The following CADM2 variants were observed in gnomAD, a reference collection of about 807,000 sequenced individuals.
The protein encoded by CADM2 is cell adhesion molecule 2.
CADM2 carries 12 observed loss-of-function variants against 49.8 expected under a neutral mutation model. The observed-to-expected ratio is 0.24, with a 90% CI of 0.15 to 0.39. CADM2 has a LOEUF of 0.39. CADM2 is among the 10% of genes least tolerant of loss of function. The probability of loss-of-function intolerance (pLI) is 1.00; values close to 1 mark genes in which losing one functional copy is unlikely to be tolerated. For synonymous variants in CADM2, 214 were observed against 175.4 expected (o/e 1.22, Z -1.74); for missense variants, 378 against 492.3 (o/e 0.77, Z 2.20).
chr3:84,974,233 G>GTATATATA (rs35432857), intron 1 of CADM2, among the ~76,000 whole-genome samples: 14 of 149,118 alleles, frequency 9.4e-5, no homozygotes, highest in Middle Eastern at 3.6e-3. Flanking sequence ...GTAATTATAT[G>GTATATATA]TATATATATA....
chr3:85,990,290 A>G (rs950124210), intron 8 of CADM2, among the ~76,000 whole-genome samples: 8 of 152,140 alleles, frequency 5.3e-5, no homozygotes, highest in Non-Finnish European at 1.0e-4. Flanking sequence ...TTATTATAAG[A>G]TAAGCTTTGG....
intron 3 of CADM2, among the ~76,000 whole-genome samples, chr3:85,845,330 AT>A: frequency 1.3e-5 from 2 of 152,198 alleles, no homozygotes; most frequent in East Asian, 3.9e-4. Flanking sequence ...GCTGGGCCAG[AT>A]TCAGTCAGGA....
At chr3:85,596,898 G>T (rs1397111113) in intron 1 of CADM2, among the ~76,000 whole-genome samples, 1 of 151,968 alleles carries the variant, frequency 6.6e-6, no homozygotes. Flanking sequence ...TGCATTTTTA[G>T]TAGAGACAGG....
chr3:85,391,138 G>A (rs761156691), intron 1 of CADM2, among the ~76,000 whole-genome samples: 8 of 151,956 alleles, frequency 5.3e-5, no homozygotes, highest in Non-Finnish European at 7.4e-5. Context: ...TTTGCCAGTC[G>A]TTTACTTCTT....
chr3:85,723,135 T>C (rs548176312), intron 1 of CADM2, among the ~76,000 whole-genome samples: 2 of 152,302 alleles, frequency 1.3e-5, no homozygotes, highest in African/African-American at 4.8e-5. Context: ...TGTAAAATCA[T>C]GTGAAATCAA....
intron 6 of CADM2, among the ~76,000 whole-genome samples, chr3:85,928,351 G>T (rs1247594615): frequency 6.6e-6 from 1 of 151,890 alleles, no homozygotes; most frequent in Admixed American, 6.6e-5. Context: ...TAGAGACGGC[G>T]TTTCACCATG....
At chr3:85,953,011 G>A (rs553999132) in intron 7 of CADM2, among the ~76,000 whole-genome samples, 5 of 149,832 alleles carry the variant, frequency 3.3e-5, no homozygotes, top group African/African-American at 9.8e-5. Context: ...TACTTTAAAT[G>A]TACAGATGTT....
chr3:85,197,701 A>G (rs2107737879), intron 1 of CADM2, among the ~76,000 whole-genome samples: 1 of 152,120 alleles, frequency 6.6e-6, no homozygotes, highest in African/African-American at 2.4e-5. Context: ...AAATCGCACA[A>G]GTCAGCACAG....
chr3:85,739,747 A>G (rs184651455), intron 2 of CADM2, among the ~76,000 whole-genome samples: 13 of 152,282 alleles, frequency 8.5e-5, no homozygotes, highest in African/African-American at 3.1e-4. Flanking sequence ...AAATTTAACC[A>G]TCTAAATATC....
chr3:85,251,567 A>G (rs962238936), intron 1 of CADM2, among the ~76,000 whole-genome samples: 1 of 151,976 alleles, frequency 6.6e-6, no homozygotes, highest in Non-Finnish European at 1.5e-5. Flanking sequence ...ATTGAAAAAA[A>G]TTTTGAAGAG....
At chr3:85,996,290 C>CTT (rs397990432) in intron 8 of CADM2, among the ~76,000 whole-genome samples, 46 of 89,298 alleles carry the variant, frequency 5.2e-4, no homozygotes, top group Middle Eastern at 8.2e-3. Flanking sequence ...TTTTCATTTA[C>CTT]TTTTTTTTTT....
At chr3:85,164,931 T>C (rs2040429580) in intron 1 of CADM2, among the ~76,000 whole-genome samples, 1 of 151,854 alleles carries the variant, frequency 6.6e-6, no homozygotes, top group Admixed American at 6.6e-5. Context: ...TTAAAGGTAT[T>C]CTTAAATATA....
intron 1 of CADM2, among the ~76,000 whole-genome samples, chr3:85,301,458 AT>A (rs921962778): frequency 6.6e-6 from 1 of 152,042 alleles, no homozygotes; most frequent in Non-Finnish European, 1.5e-5. Flanking sequence ...TTTTACTTCC[AT>A]TTTTTAGGAC....
intron 1 of CADM2, among the ~76,000 whole-genome samples, chr3:85,091,779 C>T (rs569249991): frequency 1.3e-5 from 2 of 152,214 alleles, no homozygotes; most frequent in South Asian, 4.2e-4. Context: ...CAGTGTGTCT[C>T]TGTCTTGTAG....
intron 1 of CADM2, among the ~76,000 whole-genome samples, chr3:85,136,976 G>A (rs897657980): frequency 6.6e-6 from 1 of 151,838 alleles, no homozygotes; most frequent in African/African-American, 2.4e-5. Flanking sequence ...TTCACACAAC[G>A]AAGTACCAAG....
At chr3:85,900,531 A>T (rs1553704626) in intron 5 of CADM2, among the ~76,000 whole-genome samples, 1 of 152,138 alleles carries the variant, frequency 6.6e-6, no homozygotes, top group Non-Finnish European at 1.5e-5. Context: ...ACATAAAAAC[A>T]TTTTTTTTAA....
chr3:85,012,420 T>C (rs1247989822), intron 1 of CADM2, among the ~76,000 whole-genome samples: 1 of 127,768 alleles, frequency 7.8e-6, no homozygotes, highest in African/African-American at 2.8e-5. Flanking sequence ...TTGTTCATAT[T>C]TTTTTCAGCC....
chr3:86,034,463 T>A (rs1578013217), intron 8 of CADM2, among the ~76,000 whole-genome samples: 1 of 151,910 alleles, frequency 6.6e-6, no homozygotes, highest in Admixed American at 6.6e-5. Context: ...AGGAAGTGAG[T>A]CTTCACCACA....
At position 85,007,720 on chromosome 3, in the gene CADM2, T is replaced by TG. The variant is rs144550602; in HGVS notation, c.61+48053dup. On this transcript the variant is annotated intron_variant, in intron 1 of 9. Transcript: ENST00000383699. Reference sequence around the variant, plus strand: ...ATGCGTTTACTGTGGCTTTTGAATCTGAGATTGAATCATAGTTTGTGTGCC... The same window carrying TG: ...ATGCGTTTACTGTGGCTTTTGAATCTGGAGATTGAATCATAGTTTGTGTGCC... Among the ~76,000 whole-genome samples, 154 of 152,280 alleles carry TG rather than the reference T, an allele frequency of 1.0e-3. 1 individual carries two copies. Among genetic ancestry groups the TG allele is most frequent in the African/African-American group, 3.6e-3 (149 of 41,570 alleles).
Sources: allele counts gnomAD v4.1 joint callset (sites outside exome capture counted in the v4.1 genomes callset), GRCh38; gene constraint gnomAD v4.1.1; transcripts MANE v1.5; gene names NCBI Gene and HGNC (gene_info 2026-07-23, HGNC 2026-07-21).